The following ANLN variants were observed in gnomAD, a reference collection of about 807,000 sequenced individuals.
ANLN encodes anillin.
In ANLN, 59 loss-of-function variants were observed where a neutral mutation model predicts 135.1. The observed-to-expected ratio is 0.44, with a 90% CI of 0.35 to 0.54. The LOEUF is 0.54. Among genes scored for constraint, ANLN ranks in the 20% least tolerant of loss-of-function variants. The probability of loss-of-function intolerance (pLI) is 0.00; values close to 1 mark genes in which losing one functional copy is unlikely to be tolerated. For synonymous variants in ANLN, 406 were observed against 456.4 expected (o/e 0.89, Z 1.41); for missense variants, 1,182 against 1,340.0 (o/e 0.88, Z 1.84).
intron 1 of ANLN, chr7:36,390,569 A>T (rs535650382): frequency 6.4e-6 from 1 of 155,676 alleles, no homozygotes; most frequent in Non-Finnish European, 1.4e-5. Flanking sequence ...ATTCGTTCAT[A>T]AAAAGCCAGT....
intron 14 of ANLN, among the ~76,000 whole-genome samples, chr7:36,423,318 A>G (rs1787956003): frequency 6.6e-6 from 1 of 152,020 alleles, no homozygotes; most frequent in African/African-American, 2.4e-5. Flanking sequence ...ATGTTATCTG[A>G]TTTTGATGGG....
rs375252333 is a variant in ANLN at position 36,389,993 on chromosome 7, G to C, written c.-34G>C. 21 of 1,613,982 alleles carry C rather than the reference G, an allele frequency of 1.3e-5. No homozygotes were observed. Among genetic ancestry groups the C allele is most frequent in the Non-Finnish European group, 1.8e-5 (21 of 1,179,968 alleles). On this transcript the variant is annotated 5_prime_UTR_variant, in exon 1 of 24. Coordinates refer to ENST00000265748, the MANE Select transcript of ANLN (RefSeq NM_018685.5). ...TTTCTCTTCCTGAATTTGAACCACCGTTTCCATCGTCTCGTAGTCCGACGC... is the reference window on the plus strand; with the variant it reads ...TTTCTCTTCCTGAATTTGAACCACCCTTTCCATCGTCTCGTAGTCCGACGC...
chr7:36,400,293 A>G (rs1185099113), intron 3 of ANLN, among the ~76,000 whole-genome samples: 1 of 152,198 alleles, frequency 6.6e-6, no homozygotes. Flanking sequence ...GTGGGAGCCG[A>G]TAAACCTATA....
chr7:36,394,503 G>C (rs1380628431), intron 1 of ANLN, among the ~76,000 whole-genome samples: 1 of 152,062 alleles, frequency 6.6e-6, no homozygotes, highest in Non-Finnish European at 1.5e-5. Flanking sequence ...ATTTGTTGAA[G>C]GACTTTTATT....
At chr7:36,449,900 C>A in intron 23 of ANLN, 63 bp downstream of exon 23, 1 of 1,492,716 alleles carries the variant, frequency 6.7e-7, no homozygotes, top group Non-Finnish European at 9.1e-7. Context: ...ATGTACTTAC[C>A]ACTATGAGAA....
At position 36,415,859 on chromosome 7, in the gene ANLN, C is replaced by A; in HGVS notation, c.1497C>A (p.Ala499=). The A allele has an allele frequency of 6.2e-7, 1 of 1,601,662 alleles. No homozygotes were observed. The highest frequency in any genetic ancestry group is 1.8e-5 in the Admixed American group (1 of 56,916). ...AGGTGACCGAAAACCAGATACCAGC[C>A]AAAAATTCTAGTACAGAACCTAAAG... ...TEKVTENQIP[A]KNSSTEPKGF... is the part of the protein sequence containing the mutation. The change falls in exon 8 of 24, where the codon GCC becomes GCA. Residue 499 remains alanine (A), a synonymous_variant. Transcript: ENST00000265748.
In ANLN at chr7:36,421,840, C is replaced by T. The variant is rs199685922; in HGVS notation, c.2164-17C>T. 9 of 1,585,460 alleles carry T rather than the reference C, an allele frequency of 5.7e-6. No homozygotes were observed. The East Asian group carries it at 6.8e-5, about 12-fold the overall frequency. On this transcript the variant is annotated splice_polypyrimidine_tract_variant and intron_variant, in intron 12 of 23. Coordinates refer to ENST00000265748, the MANE Select transcript of ANLN (RefSeq NM_018685.5). Reference sequence around the variant, plus strand: ...TTAAAATGTGTATATTTTTTCTCCTCTCATTGGTTTTCCTAGGAACTCAAT... The same window carrying T: ...TTAAAATGTGTATATTTTTTCTCCTTTCATTGGTTTTCCTAGGAACTCAAT...
At position 36,407,849 on chromosome 7, in the gene ANLN, C is replaced by T. The variant is rs775815569; in HGVS notation, c.989C>T (p.Ser330Leu). ...TPISPLKTGV[S>L]KPIVKSTLSQ... ...ATTAGTCCTCTGAAAACGGGGGTAT[C>T]GAAACCAATTGTGAAGTCAACTTTA... is the stretch of plus-strand genomic sequence containing the variant. Residue 330 changes from serine to leucine, a missense_variant, in exon 5 of 24, where the codon TCG becomes TTG. Ser to Leu is a moderately radical substitution (Grantham distance 145). Around this residue, in one of 3 missense-constraint regions of ANLN, gnomAD observed 1,022 missense variants for 1,134.0 expected, o/e 0.90. Transcript: ENST00000265748. 6 of 1,613,714 alleles carry T rather than the reference C, an allele frequency of 3.7e-6. No individual in the cohort carries two copies. Among genetic ancestry groups the T allele is most frequent in the East Asian group, 2.2e-5 (1 of 44,862 alleles).
chr7:36,449,592 T>C (rs1455467155), intron 22 of ANLN, 73 bp from the exon 23 acceptor site: 21 of 1,180,566 alleles, frequency 1.8e-5, no homozygotes, highest in Non-Finnish European at 2.4e-5. Context: ...TTGTACCAAC[T>C]TAAATGCTGC....
intron 23 of ANLN, among the ~76,000 whole-genome samples, chr7:36,451,139 A>G (rs565897459): frequency 6.6e-6 from 1 of 152,190 alleles, no homozygotes; most frequent in Non-Finnish European, 1.5e-5. Flanking sequence ...TGATGGTGAG[A>G]ATATAAACAT....
intron 7 of ANLN, among the ~76,000 whole-genome samples, chr7:36,412,336 T>A (rs1289820483): frequency 4.9e-5 from 7 of 143,826 alleles, no homozygotes; most frequent in African/African-American, 1.8e-4. Flanking sequence ...TATTTTTTTT[T>A]TTTTTTTTTG....
intron 1 of ANLN, among the ~76,000 whole-genome samples, chr7:36,392,240 C>T (rs1786507786): frequency 6.6e-6 from 1 of 152,190 alleles, no homozygotes; most frequent in African/African-American, 2.4e-5. Flanking sequence ...AAACATGCCA[C>T]TACCATTTTT....
At chr7:36,436,452 T>A (rs1158860229) in intron 20 of ANLN, among the ~76,000 whole-genome samples, 1 of 152,200 alleles carries the variant, frequency 6.6e-6, no homozygotes, top group Non-Finnish European at 1.5e-5. Context: ...TGAGTACCTG[T>A]TTTCAGTTCT....
intron 21 of ANLN, among the ~76,000 whole-genome samples, chr7:36,440,244 C>T (rs144683371): frequency 1.6e-3 from 248 of 152,158 alleles, no homozygotes; most frequent in African/African-American, 5.5e-3. Flanking sequence ...ATTGAAAGGA[C>T]GGATGGAAGG....
intron 20 of ANLN, among the ~76,000 whole-genome samples, chr7:36,435,840 T>G (rs1312187042): frequency 4.7e-5 from 5 of 105,998 alleles, no homozygotes; most frequent in African/African-American, 1.8e-4. Flanking sequence ...GCCACTGCAC[T>G]CCAGCCTGGG....
chr7:36,434,148 T>G (rs914903708), intron 20 of ANLN, among the ~76,000 whole-genome samples: 1 of 152,254 alleles, frequency 6.6e-6, no homozygotes, highest in Non-Finnish European at 1.5e-5. Flanking sequence ...TGTTCTTTTG[T>G]CTTTCAGACA....
chr7:36,427,454 G>A (rs1209935815), intron 20 of ANLN, among the ~76,000 whole-genome samples: 8 of 151,684 alleles, frequency 5.3e-5, no homozygotes, highest in African/African-American at 1.5e-4. Flanking sequence ...CCTCAGCCTC[G>A]CGGGCTCCCA....
chr7:36,452,467 G>C lies in ANLN; in HGVS notation c.3252-10G>C. ...AGAATTCTGACCTCTTTGGTTGTTT[G>C]TTCCTGTAGGAACTGGCTGTCTGCA... On this transcript the variant is annotated splice_polypyrimidine_tract_variant and intron_variant, in intron 23 of 23. Coordinates refer to ENST00000265748, the MANE Select transcript of ANLN (RefSeq NM_018685.5). 1 of 1,613,832 alleles carries C rather than the reference G, an allele frequency of 6.2e-7. No homozygotes were observed. Among genetic ancestry groups the C allele is most frequent in the Non-Finnish European group, 8.5e-7 (1 of 1,179,776 alleles).
At chr7:36,408,509 T>A (rs1397095374) in intron 5 of ANLN, among the ~76,000 whole-genome samples, 1 of 152,220 alleles carries the variant, frequency 6.6e-6, no homozygotes, top group Non-Finnish European at 1.5e-5. Context: ...TACATTTATA[T>A]AATTCGTAAA....
Sources: gnomAD v4.1 joint callset for allele counts (sites outside exome capture counted in the v4.1 genomes callset) on GRCh38, gnomAD v4.1.1 for gene constraint, gnomAD v4.1.1 regional missense constraint, MANE v1.5 for transcripts, NCBI Gene and HGNC (gene_info 2026-07-23, HGNC 2026-07-21) for gene names.